LYPD6: variants seen among roughly 807,000 people sequenced by gnomAD.
LYPD6 encodes ly6/PLAUR domain-containing protein 6.
Under a neutral mutation model 22.7 loss-of-function variants are expected in LYPD6, and 15 were observed. That is an observed-to-expected ratio of 0.66 (90% CI 0.44 to 1.02). LYPD6 has a LOEUF of 1.02. Among genes scored for constraint, LYPD6 ranks in the 50% least tolerant of loss-of-function variants. The probability of loss-of-function intolerance (pLI) is 0.00; values close to 1 mark genes in which losing one functional copy is unlikely to be tolerated. For missense variants in LYPD6, 189 were observed against 208.4 expected (o/e 0.91, Z 0.57); for synonymous variants, 72 against 77.5 (o/e 0.93, Z 0.37).
At chr2:149,425,242 C>T (rs1683165295) in intron 1 of LYPD6, among the ~76,000 whole-genome samples, 1 of 152,204 alleles carries the variant, frequency 6.6e-6, no homozygotes, top group Admixed American at 6.5e-5. Flanking sequence ...ACCATGCTCA[C>T]TATTCACTAA....
intron 2 of LYPD6, among the ~76,000 whole-genome samples, chr2:149,445,185 G>A (rs1307550268): frequency 6.6e-6 from 1 of 152,180 alleles, no homozygotes; most frequent in Non-Finnish European, 1.5e-5. Context: ...TTTCTGAGCA[G>A]TAGATCCCAA....
chr2:149,455,046 A>G (rs969708547), intron 3 of LYPD6, among the ~76,000 whole-genome samples: 1 of 152,084 alleles, frequency 6.6e-6, no homozygotes, highest in Non-Finnish European at 1.5e-5. Flanking sequence ...GAGAACAGGT[A>G]TAGAATGTCA....
At chr2:149,448,490 A>G (rs1264455307) in intron 2 of LYPD6, among the ~76,000 whole-genome samples, 3 of 152,158 alleles carry the variant, frequency 2.0e-5, no homozygotes, top group Non-Finnish European at 2.9e-5. Flanking sequence ...GAATTTCAGT[A>G]ACACAAGGGT....
intron 1 of LYPD6, among the ~76,000 whole-genome samples, chr2:149,434,912 TA>T (rs1425099964): frequency 2.0e-5 from 3 of 152,104 alleles, no homozygotes; most frequent in African/African-American, 7.2e-5. Context: ...AAATGTTACC[TA>T]AAAAACAAAA....
At position 149,369,959 on chromosome 2, in the gene LYPD6, A is replaced by G. The variant is rs73964409; in HGVS notation, c.-72+39237A>G. ...ATAACTGATGGTTGAGATTCCCGAG[A>G]AATCAAGAGGGAACAGAGGTGGAGC... On this transcript the variant is annotated intron_variant, in intron 1 of 4. Coordinates refer to ENST00000334166, the MANE Select transcript of LYPD6 (RefSeq NM_194317.5). 7.8e-3 allele frequency among the ~76,000 whole-genome samples: 1,194 copies of G among 152,192 alleles called. 16 individuals carry two copies. Among genetic ancestry groups the G allele is most frequent in the African/African-American group, 0.028 (1,157 of 41,518 alleles).
intron 1 of LYPD6, among the ~76,000 whole-genome samples, chr2:149,403,448 T>C (rs1445777465): frequency 9.7e-4 from 145 of 149,734 alleles, no homozygotes; most frequent in African/African-American, 3.4e-3. Context: ...TGGTATCTCA[T>C]TGTGGTTTTG....
intron 1 of LYPD6, among the ~76,000 whole-genome samples, chr2:149,347,416 C>T (rs1681278312): frequency 6.6e-6 from 1 of 152,132 alleles, no homozygotes; most frequent in Non-Finnish European, 1.5e-5. Context: ...ACAGGCTCCT[C>T]ATCTCTCTCT....
chr2:149,458,731 G>C (rs1215018940), intron 3 of LYPD6, among the ~76,000 whole-genome samples: 2 of 152,046 alleles, frequency 1.3e-5, no homozygotes, highest in Non-Finnish European at 2.9e-5. Context: ...CAAAGATATA[G>C]AAAATATAAA....
intron 1 of LYPD6, among the ~76,000 whole-genome samples, chr2:149,421,524 C>T (rs1197033817): frequency 1.3e-5 from 2 of 152,016 alleles, no homozygotes; most frequent in African/African-American, 2.4e-5. Context: ...TATGGAAGCA[C>T]CTTGCACCTA....
intron 1 of LYPD6, among the ~76,000 whole-genome samples, chr2:149,411,987 C>T (rs572984154): frequency 8.5e-5 from 13 of 152,106 alleles, no homozygotes; most frequent in Middle Eastern, 3.4e-3. Flanking sequence ...AAAGTCTGTA[C>T]GATATTCTTT....
rs565661930 is a variant in LYPD6, at chr2:149,394,710, T to TAAG, written c.-71-42927_-71-42926insAGA. Among the ~76,000 whole-genome samples, 12 of 152,292 alleles carry TAAG rather than the reference T, an allele frequency of 7.9e-5. No individual in the cohort carries two copies. The South Asian group carries it at 2.3e-3, about 29-fold the overall frequency. On this transcript the variant is annotated intron_variant, in intron 1 of 4. Coordinates refer to ENST00000334166, the MANE Select transcript of LYPD6 (RefSeq NM_194317.5). Reference sequence around the variant, plus strand: ...AAATAGATTTTCACAAATTATATTATATATTTTGTACTTATTGTACATAGC... The same window carrying TAAG: ...AAATAGATTTTCACAAATTATATTATAAGATATTTTGTACTTATTGTACATAGC...
chr2:149,433,618 G>T (rs1346966411), intron 1 of LYPD6, among the ~76,000 whole-genome samples: 1 of 152,022 alleles, frequency 6.6e-6, no homozygotes, highest in Non-Finnish European at 1.5e-5. Flanking sequence ...TGGCCATTTG[G>T]GTTTTTTAGC....
At chr2:149,424,313 T>A (rs1044900766) in intron 1 of LYPD6, among the ~76,000 whole-genome samples, 3 of 152,200 alleles carry the variant, frequency 2.0e-5, no homozygotes, top group African/African-American at 7.2e-5. Context: ...AAAAAGTATG[T>A]CATCTTAACA....
chr2:149,437,581 A>G, intron 1 of LYPD6, 57 bp from the exon 2 acceptor site: 1 of 1,490,472 alleles, frequency 6.7e-7, no homozygotes, highest in East Asian at 2.3e-5. Flanking sequence ...AGCTCAGCCA[A>G]GCCTCCTGTG....
At chr2:149,383,505 C>T (rs1682114717) in intron 1 of LYPD6, among the ~76,000 whole-genome samples, 1 of 152,086 alleles carries the variant, frequency 6.6e-6, no homozygotes, top group African/African-American at 2.4e-5. Context: ...GCCACATGTA[C>T]AGTCCAAAGA....
At chr2:149,344,539 A>G (rs1199787721) in intron 1 of LYPD6, among the ~76,000 whole-genome samples, 1 of 152,218 alleles carries the variant, frequency 6.6e-6, no homozygotes, top group Non-Finnish European at 1.5e-5. Flanking sequence ...GCAATTAATC[A>G]TAGAGCTGTA....
chr2:149,445,012 A>G (rs1397474172), intron 2 of LYPD6, among the ~76,000 whole-genome samples: 1 of 152,250 alleles, frequency 6.6e-6, no homozygotes, highest in Non-Finnish European at 1.5e-5. Flanking sequence ...TTCTTAAACA[A>G]TAAAACTTGA....
At chr2:149,332,092 A>G (rs1680949981) in intron 1 of LYPD6, among the ~76,000 whole-genome samples, 4 of 152,258 alleles carry the variant, frequency 2.6e-5, no homozygotes, top group Non-Finnish European at 1.5e-5. Context: ...GGGTTAATGC[A>G]CATTTATGTT....
intron 1 of LYPD6, among the ~76,000 whole-genome samples, chr2:149,425,399 C>G (rs1454494753): frequency 6.6e-6 from 1 of 152,142 alleles, no homozygotes; most frequent in African/African-American, 2.4e-5. Context: ...ATAACAGATA[C>G]TGTTATCTAT....
Sources: allele counts gnomAD v4.1 joint callset (sites outside exome capture counted in the v4.1 genomes callset), GRCh38; gene constraint gnomAD v4.1.1; transcripts MANE v1.5; gene names NCBI Gene and HGNC (gene_info 2026-07-23, HGNC 2026-07-21).